Variants in PBX3 observed in about 807,000 individuals in gnomAD.
PBX3 encodes PBX homeobox 3, also known as pre-B-cell leukemia transcription factor 3.
In PBX3, 14 loss-of-function variants were observed where a neutral mutation model predicts 48.5. The observed-to-expected ratio is 0.29, with a 90% CI of 0.19 to 0.45. PBX3 has a LOEUF of 0.45. Among genes scored for constraint, PBX3 ranks in the 20% least tolerant of loss-of-function variants. PBX3 has a pLI of 1.00. For missense variants in PBX3, 386 were observed against 546.7 expected (o/e 0.71, Z 2.93); for synonymous variants, 210 against 200.3 (o/e 1.05, Z -0.41).
chr9:125,807,232 G>T (rs527539845), intron 2 of PBX3, among the ~76,000 whole-genome samples: 6 of 152,226 alleles, frequency 3.9e-5, no homozygotes, highest in African/African-American at 1.4e-4. Flanking sequence ...GCTGAGGCAG[G>T]AGAATCACTT....
chr9:125,767,356 C>T (rs987010703), intron 2 of PBX3, among the ~76,000 whole-genome samples: 2 of 152,192 alleles, frequency 1.3e-5, no homozygotes, highest in African/African-American at 2.4e-5. Flanking sequence ...ATGGAAAGCT[C>T]ATAACTATTT....
intron 2 of PBX3, among the ~76,000 whole-genome samples, chr9:125,894,028 A>G (rs923946513): frequency 2.0e-5 from 3 of 152,284 alleles, no homozygotes; most frequent in Middle Eastern, 6.8e-3. Context: ...ACCTGTTTCT[A>G]TTATATATCA....
At chr9:125,930,247 CCTAAGAAGGAAG>C (rs1841684467) in intron 4 of PBX3, among the ~76,000 whole-genome samples, 1 of 152,166 alleles carries the variant, frequency 6.6e-6, no homozygotes. Context: ...TACTGATACT[CCTAAGAAGGAAG>C]TGGCATTTCA....
At chr9:125,793,366 A>ATATATATATATATATATATATATATAT (rs1554855766) in intron 2 of PBX3, among the ~76,000 whole-genome samples, 9 of 101,928 alleles carry the variant, frequency 8.8e-5, no homozygotes, top group African/African-American at 3.8e-4. Context: ...GGAAAAAAAA[A>ATATATATATATATATATATATATATAT]ATATATATAT....
chr9:125,881,523 A>G (rs1840381455), intron 2 of PBX3, among the ~76,000 whole-genome samples: 1 of 152,196 alleles, frequency 6.6e-6, no homozygotes, highest in Admixed American at 6.5e-5. Flanking sequence ...ATCACTGGCA[A>G]TATAATTATA....
intron 2 of PBX3, among the ~76,000 whole-genome samples, chr9:125,877,750 G>C (rs897528460): frequency 6.6e-6 from 1 of 151,976 alleles, no homozygotes; most frequent in Admixed American, 6.6e-5. Context: ...CTTTAGATTT[G>C]GGCATCTGTA....
chr9:125,763,056 T>C (rs1836710499), intron 2 of PBX3, among the ~76,000 whole-genome samples: 1 of 152,220 alleles, frequency 6.6e-6, no homozygotes, highest in African/African-American at 2.4e-5. Context: ...ATTGGAAGTA[T>C]CTGGTTTATA....
Position 125,907,749 on chromosome 9 carries a change from A to T in PBX3, c.275-7937A>T, listed in dbSNP as rs372894931. The stretch of plus-strand genomic sequence containing the variant: ...TTGCAAAGTGAATTTAAAATCCAGT[A>T]TTATAACTTATTTCTCTAGGTATCT... On this transcript the variant is annotated intron_variant, in intron 2 of 8. Coordinates refer to ENST00000373489, the MANE Select transcript of PBX3 (RefSeq NM_006195.6). 1.4e-4 allele frequency among the ~76,000 whole-genome samples: 21 copies of T among 152,208 alleles called. 1 individual carries two copies. The South Asian group carries it at 2.7e-3, about 20-fold the overall frequency.
At chr9:125,831,442 A>G (rs2132192527) in intron 2 of PBX3, among the ~76,000 whole-genome samples, 1 of 143,266 alleles carries the variant, frequency 7.0e-6, no homozygotes, top group East Asian at 2.0e-4. Flanking sequence ...TTTTTTTTTG[A>G]GATGGAGTCT....
intron 2 of PBX3, among the ~76,000 whole-genome samples, chr9:125,857,728 T>C (rs1465617410): frequency 6.6e-6 from 1 of 152,196 alleles, no homozygotes; most frequent in African/African-American, 2.4e-5. Flanking sequence ...CTATAACATG[T>C]TCATGATAAA....
In PBX3 at chr9:125,831,603, T is replaced by C. The variant is rs117860257; in HGVS notation, c.274+82980T>C. On this transcript the variant is annotated intron_variant, in intron 2 of 8. Transcript: ENST00000373489. ...ATATTTAATTCTTTCCCTTTAATTATCAATTTCCAGAGTAATGAGGTAGTG... is the reference window on the plus strand; with the variant it reads ...ATATTTAATTCTTTCCCTTTAATTACCAATTTCCAGAGTAATGAGGTAGTG... Among the ~76,000 whole-genome samples, 79 of 152,346 alleles carry C rather than the reference T, an allele frequency of 5.2e-4. No homozygotes were observed. The East Asian group carries it at 0.014, about 27-fold the overall frequency.
chr9:125,962,124 C>T lies in PBX3; in HGVS notation c.1032C>T (p.Leu344=). Residue 344 remains leucine (L), a synonymous_variant, in exon 7 of 9, where the codon CTC becomes CTT. Coordinates refer to ENST00000373489, the MANE Select transcript of PBX3 (RefSeq NM_006195.6). ...CAGGTTCTTCTGGTTCTTTTAACCT[C>T]CCAAATTCTGGGGACATGTTCATGA... ...PNSGSSGSFN[L]PNSGDMFMNM... is the part of the protein sequence containing the mutation. 1 of 1,609,942 alleles carries T rather than the reference C, an allele frequency of 6.2e-7. No homozygotes were observed. Among genetic ancestry groups the T allele is most frequent in the Non-Finnish European group, 8.5e-7 (1 of 1,176,298 alleles).
chr9:125,879,591 T>G, intron 2 of PBX3, among the ~76,000 whole-genome samples: 1 of 152,110 alleles, frequency 6.6e-6, no homozygotes, highest in East Asian at 1.9e-4. Context: ...GGACAATCTT[T>G]AAATTGTAGA....
intron 2 of PBX3, among the ~76,000 whole-genome samples, chr9:125,882,978 T>C (rs1254332386): frequency 1.3e-5 from 2 of 152,242 alleles, no homozygotes; most frequent in East Asian, 1.9e-4. Context: ...AATGTTTAAC[T>C]GAAGACACAC....
chr9:125,903,244 C>G (rs1432189672), intron 2 of PBX3, among the ~76,000 whole-genome samples: 1 of 151,760 alleles, frequency 6.6e-6, no homozygotes, highest in African/African-American at 2.4e-5. Flanking sequence ...CTAAACTAAT[C>G]TGTATATACA....
intron 2 of PBX3, among the ~76,000 whole-genome samples, chr9:125,890,851 A>C (rs1036758623): frequency 2.0e-5 from 3 of 152,204 alleles, no homozygotes; most frequent in Admixed American, 6.5e-5. Flanking sequence ...TAGATTAACA[A>C]AACAGTTCCA....
At chr9:125,797,291 A>G (rs1319621245) in intron 2 of PBX3, 2 of 152,156 alleles carry the variant, frequency 1.3e-5, no homozygotes, top group African/African-American at 4.8e-5. Flanking sequence ...TAAATTACTA[A>G]TCAGTAATGA....
rs370603481 is a variant in PBX3, at chr9:125,835,522, GA to G, written c.275-80154del. On this transcript the variant is annotated intron_variant, in intron 2 of 8. Transcript: ENST00000373489. ...AAGGAACTCAAACAACTCTATAGCA[GA>G]AAAAAAAAATCTGATTTTAAAATGG... Among the ~76,000 whole-genome samples the G allele has an allele frequency of 2.9e-3, 435 of 148,738 alleles. 2 individuals carry two copies. Among genetic ancestry groups the G allele is most frequent in the African/African-American group, 7.4e-3 (301 of 40,570 alleles).
intron 2 of PBX3, among the ~76,000 whole-genome samples, chr9:125,914,480 G>A (rs1841279781): frequency 6.6e-6 from 1 of 152,206 alleles, no homozygotes; most frequent in African/African-American, 2.4e-5. Context: ...ATTGACGGTA[G>A]CTTTAGGTTA....
Sources: gnomAD v4.1 joint callset for allele counts (sites outside exome capture counted in the v4.1 genomes callset) on GRCh38, gnomAD v4.1.1 for gene constraint, MANE v1.5 for transcripts, NCBI Gene and HGNC (gene_info 2026-07-23, HGNC 2026-07-21) for gene names.